The following NKIRAS1 variants were observed in gnomAD, a reference collection of about 807,000 sequenced individuals.
The protein encoded by NKIRAS1 is NF-kappa-B inhibitor-interacting Ras-like protein 1.
A neutral mutation model predicts 19.8 loss-of-function variants in NKIRAS1; 16 were observed. The ratio of observed to expected loss-of-function variants is 0.81; its 90% confidence interval spans 0.55 to 1.23. The LOEUF (loss-of-function observed/expected upper bound fraction) is 1.23, where lower values mean the gene tolerates loss of function less well. NKIRAS1 is among the 50% of genes most tolerant of loss of function. NKIRAS1 has a pLI of 0.00. For missense variants in NKIRAS1, 184 were observed against 220.0 expected (o/e 0.84, Z 1.04); for synonymous variants, 88 against 79.0 (o/e 1.11, Z -0.61).
rs992188268 is a variant in NKIRAS1, at chr3:23,927,169, CTG to C, written c.-139-15721_-139-15720del. Among the ~76,000 whole-genome samples, 2 of 152,112 alleles carry C rather than the reference CTG, an allele frequency of 1.3e-5. No homozygotes were observed. Among genetic ancestry groups the C allele is most frequent in the African/African-American group, 4.8e-5 (2 of 41,418 alleles). ...CCTATTTTTATATAAGAAAAATAAA[CTG>C]AAAATAAAGCCTTTTAGTATAAAAT... On this transcript the variant is annotated intron_variant, in intron 1 of 4. Transcript: ENST00000421515. The surrounding 1 kb of genome is among the most constrained non-coding windows in gnomAD (Gnocchi z 4.0).
upstream of NKIRAS1, chr3:23,921,570 GTTTTTTTTTTTTT>G: frequency 2.0e-6 from 1 of 508,322 alleles, no homozygotes; most frequent in South Asian, 2.1e-5. Flanking sequence ...TGATTATTGA[GTTTTTTTTTTTTT>G]TTTTTTTTTT....
At chr3:23,942,890 G>A (rs1019748727) in intron 1 of NKIRAS1, among the ~76,000 whole-genome samples, 7 of 152,136 alleles carry the variant, frequency 4.6e-5, no homozygotes, top group African/African-American at 1.7e-4. Flanking sequence ...TGGGACTACA[G>A]TTGCACACCA....
intron 1 of NKIRAS1, chr3:23,916,062 GAATC>G (rs1179883761): frequency 6.6e-6 from 1 of 152,014 alleles, no homozygotes; most frequent in Non-Finnish European, 1.5e-5. Context: ...AATATTTGTT[GAATC>G]AATCAATGAA....
At chr3:23,940,167 CCAAAAAAAA>C (rs1192629316) in intron 1 of NKIRAS1, among the ~76,000 whole-genome samples, 4 of 28,924 alleles carry the variant, frequency 1.4e-4, no homozygotes, top group African/African-American at 3.8e-4. Flanking sequence ...CCCATCTCTA[CCAAAAAAAA>C]AAAAAAAAAA....
In NKIRAS1 at chr3:23,927,841, G is replaced by A. The variant is rs976692086; in HGVS notation, c.-139-16391C>T. On this transcript the variant is annotated intron_variant, in intron 1 of 4. Transcript: ENST00000421515. This position sits in a 1 kb window ranked among gnomAD's most constrained non-coding sequence, Gnocchi z 4.0. The stretch of plus-strand genomic sequence containing the variant: ...TACCTGTAATCCTAGAAATTTGGGA[G>A]GCCAAAGTGGGAGGACTGCTTGAGC... 1.3e-5 allele frequency among the ~76,000 whole-genome samples: 2 copies of A among 152,144 alleles called. No individual in the cohort carries two copies. The highest frequency in any genetic ancestry group is 2.4e-5 in the African/African-American group (1 of 41,418).
chr3:23,903,258 T>C (rs1036378930), intron 3 of NKIRAS1, among the ~76,000 whole-genome samples: 2 of 152,100 alleles, frequency 1.3e-5, no homozygotes, highest in Non-Finnish European at 2.9e-5. Flanking sequence ...GGACTACAGG[T>C]ACATACCACC....
chr3:23,938,835 G>A (rs372298901), intron 1 of NKIRAS1, among the ~76,000 whole-genome samples: 26 of 152,206 alleles, frequency 1.7e-4, no homozygotes, highest in African/African-American at 6.3e-4. Context: ...GGCCTGAGCT[G>A]CTCTGTAAGC....
upstream of NKIRAS1, among the ~76,000 whole-genome samples, chr3:23,921,434 C>T (rs946973390): frequency 4.6e-5 from 7 of 152,196 alleles, no homozygotes; most frequent in East Asian, 3.8e-4. Flanking sequence ...TTCCTAATGC[C>T]TTTATGATGG....
At chr3:23,931,772 G>A (rs1276406433) in intron 1 of NKIRAS1, among the ~76,000 whole-genome samples, 1 of 152,156 alleles carries the variant, frequency 6.6e-6, no homozygotes, top group Non-Finnish European at 1.5e-5. Flanking sequence ...GTTTCAGGAA[G>A]TAGCAAAGGG....
intron 1 of NKIRAS1, among the ~76,000 whole-genome samples, chr3:23,933,408 T>A (rs1705346769): frequency 6.6e-6 from 1 of 152,222 alleles, no homozygotes; most frequent in Admixed American, 6.5e-5. Flanking sequence ...CATTTTTGGT[T>A]GTCACAACTG....
chr3:23,920,245 T>A (rs1241872696), upstream of NKIRAS1: 1 of 985,668 alleles, frequency 1.0e-6, no homozygotes. Context: ...GTGATCATTA[T>A]GAATCCCTTC....
chr3:23,890,445 T>G lies in NKIRAS1; in HGVS notation c.*2650A>C. 1 of 1,523,012 alleles carries G rather than the reference T, an allele frequency of 6.6e-7. No individual in the cohort carries two copies. Among genetic ancestry groups the G allele is most frequent in the Non-Finnish European group, 9.0e-7 (1 of 1,116,426 alleles). The allele number at this position is 1,523,012 out of a possible 1,614,324, so 94.3% of individuals were successfully genotyped here. A position where few individuals can be genotyped will look rare whatever the true frequency, so the allele number is the denominator to read the frequency against. On this transcript the variant is annotated 3_prime_UTR_variant, in exon 5 of 5. Coordinates refer to ENST00000425478, the MANE Select transcript of NKIRAS1 (RefSeq NM_020345.4). ...CGTACGTATCTACCCAAGCTGTCAC[T>G]ATTCGCTAAAGTTTAAAATGTTCTT...
chr3:23,938,399 G>A (rs1705435844), intron 1 of NKIRAS1, among the ~76,000 whole-genome samples: 1 of 151,770 alleles, frequency 6.6e-6, no homozygotes, highest in Admixed American at 6.6e-5. Context: ...TTATAGAGTT[G>A]GGGGGTCTCA....
intron 1 of NKIRAS1, among the ~76,000 whole-genome samples, chr3:23,912,769 T>G (rs888713261): frequency 6.6e-6 from 1 of 152,230 alleles, no homozygotes; most frequent in South Asian, 2.1e-4. Flanking sequence ...CTATTCACAA[T>G]AGCAAAGACT....
intron 1 of NKIRAS1, among the ~76,000 whole-genome samples, chr3:23,932,294 T>C (rs1394559223): frequency 1.3e-5 from 2 of 152,166 alleles, no homozygotes; most frequent in African/African-American, 4.8e-5. Flanking sequence ...GTTATTTGCA[T>C]AAATTTCTAT....
At chr3:23,916,752 C>G (rs957709522) in intron 1 of NKIRAS1, 32 bp downstream of exon 1, 7 of 141,508 alleles carry the variant, frequency 4.9e-5, no homozygotes, top group Non-Finnish European at 7.8e-5. Flanking sequence ...AGAGACTCCG[C>G]AGGGGGAGAG....
In NKIRAS1 at chr3:23,942,222, G is replaced by T. The variant is rs989677371; in HGVS notation, c.-140+4101C>A. On this transcript the variant is annotated intron_variant, in intron 1 of 4. Coordinates refer to the NKIRAS1 transcript ENST00000421515. ...TTGAACTCCTGGCCTCAAGAGATCCGCCTGCCTTGACCTCTCAAAGTGCTG... is the reference window on the plus strand; with the variant it reads ...TTGAACTCCTGGCCTCAAGAGATCCTCCTGCCTTGACCTCTCAAAGTGCTG... Among the ~76,000 whole-genome samples the T allele has an allele frequency of 7.2e-5, 11 of 152,052 alleles. No individual in the cohort carries two copies. In the South Asian group the frequency reaches 2.1e-3, roughly 29 times the overall value.
At chr3:23,934,090 C>G (rs4490300) in intron 1 of NKIRAS1, among the ~76,000 whole-genome samples, 1 of 152,114 alleles carries the variant, frequency 6.6e-6, no homozygotes, top group Non-Finnish European at 1.5e-5. Flanking sequence ...CAGACCATAG[C>G]AAGAGGTTTC....
intron 1 of NKIRAS1, among the ~76,000 whole-genome samples, chr3:23,932,860 T>A (rs1705340833): frequency 6.6e-6 from 1 of 152,116 alleles, no homozygotes; most frequent in Non-Finnish European, 1.5e-5. Context: ...TCAACAACGT[T>A]AACATTAATA....
Sources: gnomAD v4.1 joint callset for allele counts (sites outside exome capture counted in the v4.1 genomes callset) on GRCh38, gnomAD v4.1.1 for gene constraint, Gnocchi (gnomAD v3.1) non-coding constraint, MANE v1.5 for transcripts, NCBI Gene and HGNC (gene_info 2026-07-23, HGNC 2026-07-21) for gene names.